The following KATNAL2 variants were observed in gnomAD, a reference collection of about 807,000 sequenced individuals.
KATNAL2 encodes katanin catalytic subunit A1 like 2.
KATNAL2 carries 52 observed loss-of-function variants against 76.3 expected under a neutral mutation model. The observed-to-expected ratio is 0.68, with a 90% CI of 0.55 to 0.86. The LOEUF (loss-of-function observed/expected upper bound fraction) is 0.86. Among genes scored for constraint, KATNAL2 ranks in the 40% least tolerant of loss-of-function variants. The probability of loss-of-function intolerance (pLI) is 0.00; values close to 1 mark genes in which losing one functional copy is unlikely to be tolerated. For missense variants in KATNAL2, 660 were observed against 668.9 expected (o/e 0.99, Z 0.15); for synonymous variants, 243 against 244.2 (o/e 1.00, Z 0.05).
chr18:47,087,856 T>C lies in KATNAL2; in HGVS notation c.1211+10395T>C, dbSNP rs139834882. ...GTGATATTTGTTCTATGGCCTGTTTTTTTTCCTTCATTTAATCTATTGTGG... is the reference window on the plus strand; with the variant it reads ...GTGATATTTGTTCTATGGCCTGTTTCTTTTCCTTCATTTAATCTATTGTGG... On this transcript the variant is annotated intron_variant, in intron 15 of 17. Coordinates refer to ENST00000683218, the MANE Select transcript of KATNAL2 (RefSeq NM_001387690.1). Among the ~76,000 whole-genome samples the C allele has an allele frequency of 9.2e-5, 14 of 152,266 alleles. No individual in the cohort carries two copies. In the East Asian group the frequency reaches 2.7e-3, roughly 29 times the overall value.
intron 15 of KATNAL2, among the ~76,000 whole-genome samples, chr18:47,093,836 T>C (rs1007780280): frequency 6.6e-6 from 1 of 152,256 alleles, no homozygotes; most frequent in African/African-American, 2.4e-5. Flanking sequence ...TCCTACTCTG[T>C]GAGAGATTTC....
chr18:46,920,042 GC>G (rs750959341), intron 1 of KATNAL2: 1 of 1,287,988 alleles, frequency 7.8e-7, no homozygotes, highest in South Asian at 1.2e-5. Context: ...GAAAAGCAAA[GC>G]CCCACTGAAA....
chr18:47,046,896 C>T (rs2061175490), intron 4 of KATNAL2, among the ~76,000 whole-genome samples: 1 of 152,166 alleles, frequency 6.6e-6, no homozygotes, highest in Non-Finnish European at 1.5e-5. Context: ...TAAAAATCCC[C>T]TGTGCACCAC....
intron 3 of KATNAL2, among the ~76,000 whole-genome samples, chr18:46,957,524 G>C (rs1599462918): frequency 6.7e-6 from 1 of 148,610 alleles, no homozygotes; most frequent in Non-Finnish European, 1.5e-5. Context: ...AAAGTGCTGG[G>C]ATTACAGGCG....
At chr18:47,087,932 T>C (rs575660386) in intron 15 of KATNAL2, among the ~76,000 whole-genome samples, 1 of 152,318 alleles carries the variant, frequency 6.6e-6, no homozygotes, top group South Asian at 2.1e-4. Flanking sequence ...TGTATGTGTG[T>C]ACCATAATTT....
intron 3 of KATNAL2, among the ~76,000 whole-genome samples, chr18:46,957,551 G>C: frequency 9.2e-6 from 1 of 108,580 alleles, no homozygotes; most frequent in East Asian, 2.6e-4. Flanking sequence ...ACCGCGCCTG[G>C]CCTTTTTTTT....
Position 47,099,345 on chromosome 18 carries a change from TGTGAGCA to T in KATNAL2, c.1315_1321del (p.Val439ArgfsTer16). 6.2e-7 allele frequency: 1 copy of T among 1,614,090 alleles called. No individual in the cohort carries two copies. The highest frequency in any genetic ancestry group is 1.7e-5 in the Admixed American group (1 of 60,024). ...CCATGATCTACCACTGGCTGCCTCC[TGTGAGCA>T]AGAGCAGGGCCTTGGAGCTGCACAC... On this transcript the variant is annotated frameshift_variant, in exon 16 of 18. Transcript: ENST00000683218. LOFTEE classifies it high-confidence loss of function.
rs1007245150 is a variant in KATNAL2 at position 47,102,231 on chromosome 18, A to G, written c.*1226A>G. 3 of 152,230 alleles carry G rather than the reference A, an allele frequency of 2.0e-5. No homozygotes were observed. Among genetic ancestry groups the G allele is most frequent in the African/African-American group, 7.2e-5 (3 of 41,456 alleles). The allele number at this position is 152,230 out of a possible 1,614,324, so 9.4% of individuals were successfully genotyped here. On this transcript the variant is annotated 3_prime_UTR_variant, in exon 18 of 18. Coordinates refer to ENST00000683218, the MANE Select transcript of KATNAL2 (RefSeq NM_001387690.1). ...TTATTTAACAAATTGAAAATAAAAA[A>G]GATTTCATCTCAGTACATGCTTAAA...
rs1474026895 is a variant in KATNAL2 at position 46,962,049 on chromosome 18, A to G, written c.51+15126A>G. ...CTTGTATGTTAGTCCTTCCAAAAAT[A>G]TAATATGAGGAAATGCATAGGCTGC... On this transcript the variant is annotated intron_variant, in intron 3 of 17. Transcript: ENST00000683218. 2.6e-5 allele frequency among the ~76,000 whole-genome samples: 4 copies of G among 152,202 alleles called. No individual in the cohort carries two copies. The South Asian group carries it at 6.2e-4, about 24-fold the overall frequency.
intron 1 of KATNAL2, among the ~76,000 whole-genome samples, chr18:46,924,462 T>C (rs2058668752): frequency 6.6e-6 from 1 of 152,248 alleles, no homozygotes; most frequent in Non-Finnish European, 1.5e-5. Flanking sequence ...AGTACCACAC[T>C]GTTTTAGTTA....
chr18:46,952,783 T>G (rs2059603945), intron 3 of KATNAL2, among the ~76,000 whole-genome samples: 1 of 152,036 alleles, frequency 6.6e-6, no homozygotes, highest in Admixed American at 6.6e-5. Flanking sequence ...TTCGTCTCTC[T>G]GAGGAGGTTT....
chr18:46,922,081 T>TA (rs1249221671), intron 1 of KATNAL2, among the ~76,000 whole-genome samples: 1 of 150,144 alleles, frequency 6.7e-6, no homozygotes, highest in African/African-American at 2.4e-5. Context: ...AACAAGGAAT[T>TA]AAAAAAAAAT....
chr18:46,958,031 A>C (rs549818778), intron 3 of KATNAL2, among the ~76,000 whole-genome samples: 3 of 152,108 alleles, frequency 2.0e-5, no homozygotes, highest in Non-Finnish European at 2.9e-5. Context: ...GCCTCATCCA[A>C]TCAGTCAAAG....
At chr18:46,955,246 C>T (rs1485855456) in intron 3 of KATNAL2, among the ~76,000 whole-genome samples, 3 of 140,786 alleles carry the variant, frequency 2.1e-5, no homozygotes, top group African/African-American at 2.6e-5. Context: ...GACAAAGTTT[C>T]ACTCTTGTTG....
chr18:46,948,745 T>C (rs994198727), intron 3 of KATNAL2, among the ~76,000 whole-genome samples: 9 of 151,914 alleles, frequency 5.9e-5, no homozygotes, highest in African/African-American at 1.9e-4. Flanking sequence ...TAATACTATC[T>C]ATATACCAAA....
chr18:47,043,245 A>AAAAAAAAAT lies in KATNAL2; in HGVS notation c.52-3212_52-3211insAAAAAAAAT, dbSNP rs376877321. ...CCGTTTCAAAAAAAAAAAAAAAAAA[A>AAAAAAAAAT]GAGATCCTAAAAGCTTCCTGGGAAG... is the stretch of plus-strand genomic sequence containing the variant. On this transcript the variant is annotated intron_variant, in intron 3 of 17. Transcript: ENST00000683218. 6.0e-4 allele frequency among the ~76,000 whole-genome samples: 56 copies of AAAAAAAAAT among 93,164 alleles called. 9 individuals are homozygous for AAAAAAAAAT. Among genetic ancestry groups the AAAAAAAAAT allele is most frequent in the South Asian group, 1.6e-3 (4 of 2,442 alleles). The allele number at this position is 93,164 out of a possible 152,430, so 61.1% of individuals were successfully genotyped here. A position where few individuals can be genotyped will look rare whatever the true frequency, so the allele number is the denominator to read the frequency against.
intron 15 of KATNAL2, among the ~76,000 whole-genome samples, chr18:47,083,614 CAG>C (rs2062634252): frequency 6.6e-6 from 1 of 152,186 alleles, no homozygotes; most frequent in Non-Finnish European, 1.5e-5. Context: ...TATAGCATCA[CAG>C]AGAGGACCAG....
intron 4 of KATNAL2, among the ~76,000 whole-genome samples, chr18:47,048,293 A>C (rs920403662): frequency 2.0e-5 from 3 of 152,188 alleles, no homozygotes; most frequent in African/African-American, 7.2e-5. Flanking sequence ...GAGCTACTGG[A>C]ACTAAAAGTC....
rs1026117522 is a variant in KATNAL2, at chr18:46,917,917, T to C, written c.-519T>C. On this transcript the variant is annotated 5_prime_UTR_variant, in exon 1 of 18. An upstream start codon of the reference 5' UTR is lost. Coordinates refer to ENST00000683218, the MANE Select transcript of KATNAL2 (RefSeq NM_001387690.1). ...TAGTTGTGGCGGAATAATCTAAATA[T>C]GGGTGTTGGGTAAGCTATTGTTCCC... The C allele has an allele frequency of 6.6e-6, 1 of 152,136 alleles. No individual in the cohort carries two copies. Among genetic ancestry groups the C allele is most frequent in the African/African-American group, 2.4e-5 (1 of 41,434 alleles). The allele number at this position is 152,136 out of a possible 1,614,324, so 9.4% of individuals were successfully genotyped here.
Sources: allele counts gnomAD v4.1 joint callset (sites outside exome capture counted in the v4.1 genomes callset), GRCh38; gene constraint gnomAD v4.1.1; transcripts MANE v1.5; gene names NCBI Gene and HGNC (gene_info 2026-07-23, HGNC 2026-07-21).